Variants in DST observed in about 807,000 individuals in gnomAD.
The protein encoded by DST is bullous pemphigoid antigen.
A neutral mutation model predicts 875.2 loss-of-function variants in DST; 253 were observed. The ratio of observed to expected loss-of-function variants is 0.29; its 90% CI spans 0.26 to 0.32. The LOEUF is 0.32. Ranked by LOEUF, DST falls within the 10% of genes least tolerant of loss-of-function variation. The pLI, the probability that DST is intolerant of heterozygous loss-of-function variation, is 1.00. For missense variants in DST, 8,287 were observed against 9,111.6 expected, an observed-to-expected ratio of 0.91 and a Z score of 3.68; for synonymous variants, 3,124 against 3,197.1, an observed-to-expected ratio of 0.98 and a Z score of 0.77.
At chr6:56,749,550 G>T (rs1051947677) in intron 4 of DST, among the ~76,000 whole-genome samples, 1 of 152,016 alleles carries the variant, frequency 6.6e-6, no homozygotes, top group African/African-American at 2.4e-5. Flanking sequence ...CATATAAGAA[G>T]TTCCATTTTT....
At chr6:56,650,460 C>G (rs1006191773) in intron 12 of DST, among the ~76,000 whole-genome samples, 2 of 152,002 alleles carry the variant, frequency 1.3e-5, no homozygotes, top group Admixed American at 6.6e-5. Flanking sequence ...GCTAATTTGG[C>G]CAAATCCAAT....
intron 4 of DST, among the ~76,000 whole-genome samples, chr6:56,737,771 A>T (rs933932806): frequency 1.3e-5 from 2 of 152,224 alleles, no homozygotes; most frequent in African/African-American, 4.8e-5. Flanking sequence ...TAATATACAT[A>T]AAAAGCCCTA....
At chr6:56,520,139 C>T (rs2096668631) in intron 69 of DST, among the ~76,000 whole-genome samples, 1 of 151,532 alleles carries the variant, frequency 6.6e-6, no homozygotes. Flanking sequence ...ATGAAGGGGA[C>T]AGAAGAAAGA....
chr6:56,654,568 A>C (rs1482722021), intron 10 of DST, among the ~76,000 whole-genome samples: 1 of 150,510 alleles, frequency 6.6e-6, no homozygotes, highest in Non-Finnish European at 1.5e-5. Context: ...CCATCTTAAA[A>C]GAGCAATCTC....
chr6:56,505,782 T>C (rs986455122), intron 77 of DST, among the ~76,000 whole-genome samples: 4 of 151,734 alleles, frequency 2.6e-5, no homozygotes, highest in African/African-American at 9.7e-5. Flanking sequence ...TTAAGGGAGG[T>C]AGGGAGAGAA....
At chr6:56,806,688 T>C (rs1388390843) in intron 4 of DST, among the ~76,000 whole-genome samples, 1 of 152,220 alleles carries the variant, frequency 6.6e-6, no homozygotes, top group Admixed American at 6.5e-5. Context: ...CAGGCCATCA[T>C]TACTTGATGG....
At chr6:56,572,032 G>A in intron 53 of DST, 68 bp downstream of exon 53, 1 of 901,774 alleles carries the variant, frequency 1.1e-6, no homozygotes, top group Non-Finnish European at 1.5e-6. Flanking sequence ...ATCTATATAA[G>A]TAAATACAAG....
chr6:56,475,030 T>G, intron 92 of DST, among the ~76,000 whole-genome samples: 1 of 149,608 alleles, frequency 6.7e-6, no homozygotes, highest in Non-Finnish European at 1.5e-5. Flanking sequence ...CCACATTTAA[T>G]GTGGACATAT....
intron 83 of DST, among the ~76,000 whole-genome samples, 170 bp from the exon 84 acceptor site, chr6:56,493,259 T>C (rs1237411820): frequency 3.3e-5 from 5 of 152,138 alleles, no homozygotes; most frequent in Non-Finnish European, 7.4e-5. Flanking sequence ...ACTAAAATAC[T>C]GGCAAACCAA....
At chr6:56,763,682 T>TAC (rs1257855378) in intron 4 of DST, among the ~76,000 whole-genome samples, 20 of 42,716 alleles carry the variant, frequency 4.7e-4, no homozygotes, top group East Asian at 1.7e-3. Flanking sequence ...AAAAAATACC[T>TAC]ATACACACAC....
At chr6:56,630,779 G>GT (rs2098772304) in intron 30 of DST, among the ~76,000 whole-genome samples, 1 of 146,202 alleles carries the variant, frequency 6.8e-6, no homozygotes, top group Admixed American at 6.6e-5. Flanking sequence ...TAAAAATAAT[G>GT]TATTTCTTTT....
At chr6:56,926,736 A>G (rs1024564123) in intron 2 of DST, among the ~76,000 whole-genome samples, 1 of 149,408 alleles carries the variant, frequency 6.7e-6, no homozygotes, top group African/African-American at 2.5e-5. Flanking sequence ...AAGGCTCTCT[A>G]AGGTTCCTGA....
At chr6:56,920,923 T>TTTTTTTTTTTCC (rs59362783) in intron 2 of DST, among the ~76,000 whole-genome samples, 1 of 141,326 alleles carries the variant, frequency 7.1e-6, no homozygotes. Flanking sequence ...TTTTTTTTTT[T>TTTTTTTTTTTCC]CACAGAGACA....
intron 4 of DST, among the ~76,000 whole-genome samples, chr6:56,799,521 G>C (rs1364650561): frequency 6.6e-6 from 1 of 151,820 alleles, no homozygotes; most frequent in African/African-American, 2.4e-5. Flanking sequence ...ATCAAGGCAA[G>C]ACCCTCTACC....
chr6:56,732,533 C>A (rs899399363), intron 5 of DST, among the ~76,000 whole-genome samples: 6 of 151,926 alleles, frequency 3.9e-5, no homozygotes, highest in Admixed American at 1.3e-4. Flanking sequence ...TATCGAAGAG[C>A]AAAAAAATCC....
chr6:56,571,228 A>G (rs1222357103), intron 53 of DST, among the ~76,000 whole-genome samples: 2 of 152,264 alleles, frequency 1.3e-5, no homozygotes, highest in Non-Finnish European at 1.5e-5. Flanking sequence ...ATACTGGCAG[A>G]TAAGAATGCA....
intron 69 of DST, 75 bp downstream of exon 69, chr6:56,526,286 A>C (rs896277430): frequency 1.4e-6 from 2 of 1,427,576 alleles, no homozygotes; most frequent in Non-Finnish European, 1.9e-6. Flanking sequence ...ATTAACAGTC[A>C]TCTTTGTTCA....
chr6:56,764,103 A>G (rs1402583069), intron 4 of DST, among the ~76,000 whole-genome samples: 2 of 150,668 alleles, frequency 1.3e-5, no homozygotes, highest in African/African-American at 4.9e-5. Flanking sequence ...ACATGCACAC[A>G]CACACACACA....
At chr6:56,706,324 AAG>A (rs1491012444) in intron 5 of DST, among the ~76,000 whole-genome samples, 17 of 150,988 alleles carry the variant, frequency 1.1e-4, no homozygotes, top group Non-Finnish European at 1.9e-4. Context: ...AAAAAAAAAA[AAG>A]AAAGAAAGAA....
Sources: allele counts gnomAD v4.1 joint callset (sites outside exome capture counted in the v4.1 genomes callset), GRCh38; gene constraint gnomAD v4.1.1; transcripts MANE v1.5; gene names NCBI Gene and HGNC (gene_info 2026-07-23, HGNC 2026-07-21).